Variants in HECW1 observed in about 807,000 individuals in gnomAD.
The protein encoded by HECW1 is E3 ubiquitin-protein ligase HECW1.
A neutral mutation model predicts 182.3 loss-of-function variants in HECW1; 61 were observed. The observed-to-expected ratio is 0.33, with a 90% CI of 0.27 to 0.41. HECW1 has a LOEUF of 0.41. Ranked by LOEUF, HECW1 falls within the 10% of genes least tolerant of loss-of-function variation. The pLI is 1.00. For synonymous variants in HECW1, 859 were observed against 832.6 expected, an observed-to-expected ratio of 1.03 and a Z score of -0.55; for missense variants, 1,739 against 2,108.9, an observed-to-expected ratio of 0.82 and a Z score of 3.44.
intron 17 of HECW1, among the ~76,000 whole-genome samples, chr7:43,488,031 C>T (rs1037488933): frequency 6.6e-6 from 1 of 151,498 alleles, no homozygotes; most frequent in Non-Finnish European, 1.5e-5. Flanking sequence ...GCCAGGCAGA[C>T]AGTCACAGTG....
At chr7:43,139,492 C>T (rs1787928363) in intron 2 of HECW1, among the ~76,000 whole-genome samples, 1 of 152,046 alleles carries the variant, frequency 6.6e-6, no homozygotes, top group Non-Finnish European at 1.5e-5. Flanking sequence ...CTTAGAGACT[C>T]CTGTTTTCCT....
At position 43,456,375 on chromosome 7, in the gene HECW1, C is replaced by T. The variant is rs1262480861; in HGVS notation, c.2579C>T (p.Pro860Leu). 1.9e-6 allele frequency: 3 copies of T among 1,613,930 alleles called. No individual in the cohort carries two copies. Among genetic ancestry groups the T allele is most frequent in the African/African-American group, 2.7e-5 (2 of 74,918 alleles). ...HVNRTTTWQRPTAAATPDGMR... is the reference protein window; with the variant it reads ...HVNRTTTWQRLTAAATPDGMR... Reference sequence around the variant, plus strand: ...AACCGCACAACCACCTGGCAGCGTCCGACGGCAGCAGCCACCCCGGATGGC... The same window carrying T: ...AACCGCACAACCACCTGGCAGCGTCTGACGGCAGCAGCCACCCCGGATGGC... The change falls in exon 13 of 30, where the codon CCG becomes CTG. Residue 860 changes from proline (P) to leucine (L), a missense_variant. Coordinates refer to ENST00000395891, the MANE Select transcript of HECW1 (RefSeq NM_015052.5).
intron 16 of HECW1, among the ~76,000 whole-genome samples, chr7:43,476,850 A>G (rs1420685167): frequency 6.6e-6 from 1 of 152,170 alleles, no homozygotes; most frequent in African/African-American, 2.4e-5. Context: ...ATAGTTAAAC[A>G]CTTAACTGAC....
intron 19 of HECW1, among the ~76,000 whole-genome samples, chr7:43,493,778 G>A (rs1026500967): frequency 2.0e-5 from 3 of 152,102 alleles, no homozygotes; most frequent in East Asian, 1.9e-4. Flanking sequence ...ACTCTCCAAC[G>A]TTCCAAAATC....
chr7:43,545,979 G>A (rs1031665290), intron 26 of HECW1, among the ~76,000 whole-genome samples: 3 of 152,046 alleles, frequency 2.0e-5, no homozygotes, highest in Non-Finnish European at 4.4e-5. Context: ...TATCTAGAAA[G>A]GTTCATTATC....
chr7:43,500,082 A>C (rs1007738405), intron 19 of HECW1, among the ~76,000 whole-genome samples: 1 of 150,682 alleles, frequency 6.6e-6, no homozygotes, highest in South Asian at 2.1e-4. Context: ...GGCTTCCAAC[A>C]CGACATGAGC....
intron 5 of HECW1, among the ~76,000 whole-genome samples, chr7:43,339,365 C>T (rs1012026761): frequency 6.6e-6 from 1 of 152,162 alleles, no homozygotes; most frequent in African/African-American, 2.4e-5. Context: ...TTTACGAACC[C>T]TCTTTCTGCT....
intron 16 of HECW1, among the ~76,000 whole-genome samples, chr7:43,472,508 T>G (rs896543911): frequency 6.6e-6 from 1 of 152,128 alleles, no homozygotes; most frequent in South Asian, 2.1e-4. Flanking sequence ...AAATCTCTGT[T>G]GCACCAATGA....
At chr7:43,529,227 C>A (rs2080883489) in intron 24 of HECW1, among the ~76,000 whole-genome samples, 1 of 152,134 alleles carries the variant, frequency 6.6e-6, no homozygotes, top group African/African-American at 2.4e-5. Context: ...AGCTCGTTCT[C>A]ACCTTGGATT....
chr7:43,432,703 C>G lies in HECW1; in HGVS notation c.802-5300C>G, dbSNP rs2076591935. Among the ~76,000 whole-genome samples, 1 of 152,200 alleles carries G rather than the reference C, an allele frequency of 6.6e-6. No individual in the cohort carries two copies. The highest frequency in any genetic ancestry group is 1.5e-5 in the Non-Finnish European group (1 of 68,034). ...TATGAATGAATGGATACAACTTTCC[C>G]CTCCTTTATTTACCAACACTCTCCT... On this transcript the variant is annotated intron_variant, in intron 8 of 29. Coordinates refer to ENST00000395891, the MANE Select transcript of HECW1 (RefSeq NM_015052.5). This position sits in a 1 kb window ranked among gnomAD's most constrained non-coding sequence, Gnocchi z 4.1.
chr7:43,246,414 C>G (rs549276792), intron 3 of HECW1, among the ~76,000 whole-genome samples: 6 of 152,312 alleles, frequency 3.9e-5, no homozygotes, highest in Non-Finnish European at 8.8e-5. Flanking sequence ...GAGGCTCATA[C>G]AAGGAAGAAT....
At chr7:43,523,869 A>G (rs931550887) in intron 24 of HECW1, among the ~76,000 whole-genome samples, 12 of 152,114 alleles carry the variant, frequency 7.9e-5, no homozygotes, top group African/African-American at 2.9e-4. Context: ...GAGGAGGCCA[A>G]GTGGAGCCAT....
At chr7:43,405,500 C>T (rs1302092430) in intron 7 of HECW1, among the ~76,000 whole-genome samples, 2 of 152,102 alleles carry the variant, frequency 1.3e-5, no homozygotes, top group Non-Finnish European at 2.9e-5. Context: ...TGCTTCATTC[C>T]CCCAGCGTGA....
intron 9 of HECW1, among the ~76,000 whole-genome samples, chr7:43,441,743 A>G (rs2152875466): frequency 6.6e-6 from 1 of 152,358 alleles, no homozygotes; most frequent in Middle Eastern, 3.4e-3. Context: ...AACTTTATTT[A>G]TGGACACTGA....
intron 3 of HECW1, among the ~76,000 whole-genome samples, chr7:43,261,242 G>A (rs1298659264): frequency 1.3e-5 from 2 of 152,332 alleles, no homozygotes; most frequent in East Asian, 3.9e-4. Flanking sequence ...CATAGGAAAA[G>A]TAGTTTGTCT....
intron 5 of HECW1, among the ~76,000 whole-genome samples, chr7:43,351,884 A>C (rs949513289): frequency 1.3e-5 from 2 of 152,064 alleles, no homozygotes; most frequent in East Asian, 3.9e-4. Flanking sequence ...GCTTGAGATG[A>C]TTCAGAGGGC....
Position 43,563,634 on chromosome 7 carries a change from C to T in HECW1, c.*1708C>T, listed in dbSNP as rs149004370. 86 of 180,556 alleles carry T rather than the reference C, an allele frequency of 4.8e-4. No homozygotes were observed. The highest frequency in any genetic ancestry group is 1.9e-3 in the African/African-American group (80 of 42,458). 11.2% of individuals were successfully genotyped at this position (180,556 alleles called of 1,614,324 possible). On this transcript the variant is annotated 3_prime_UTR_variant, in exon 30 of 30. Transcript: ENST00000395891. ...CTGTAATCCCAGCACTTTGGGAGGC[C>T]GAGGTGGGGAGATCGCTTGAGGTCA...
intron 3 of HECW1, among the ~76,000 whole-genome samples, chr7:43,308,814 G>T (rs1279799531): frequency 1.3e-5 from 2 of 152,046 alleles, no homozygotes; most frequent in Non-Finnish European, 2.9e-5. Flanking sequence ...TAGAGACGGG[G>T]CTTCGCCACG....
rs1798667526 is a variant in HECW1 at position 43,239,392 on chromosome 7, T to G, written c.-31-4483T>G. ...CAGGAATTAACCACATATATGGGAATGCACACACAGGCTTTCCCTTCCTTC... is the reference window on the plus strand; with the variant it reads ...CAGGAATTAACCACATATATGGGAAGGCACACACAGGCTTTCCCTTCCTTC... On this transcript the variant is annotated intron_variant, in intron 2 of 29. Coordinates refer to ENST00000395891, the MANE Select transcript of HECW1 (RefSeq NM_015052.5). Among the ~76,000 whole-genome samples the G allele has an allele frequency of 2.0e-5, 3 of 152,232 alleles. No individual in the cohort carries two copies. The South Asian group carries it at 6.2e-4, about 32-fold the overall frequency.
Sources: allele counts gnomAD v4.1 joint callset (sites outside exome capture counted in the v4.1 genomes callset), GRCh38; gene constraint gnomAD v4.1.1; non-coding constraint Gnocchi (gnomAD v3.1); transcripts MANE v1.5; gene names NCBI Gene and HGNC (gene_info 2026-07-23, HGNC 2026-07-21).